ANKS1B: variants seen among roughly 807,000 people sequenced by gnomAD.
ANKS1B encodes ankyrin repeat and sterile alpha motif domain containing 1B.
In ANKS1B, 36 loss-of-function variants were observed where a neutral mutation model predicts 148.3. The ratio of observed to expected loss-of-function variants is 0.24; its 90% CI spans 0.19 to 0.32. The LOEUF (loss-of-function observed/expected upper bound fraction) is 0.32, where lower values mean the gene tolerates loss of function less well. Ranked by LOEUF, ANKS1B falls within the 10% of genes least tolerant of loss-of-function variation. ANKS1B has a pLI of 1.00. For missense variants in ANKS1B, 1,157 were observed against 1,542.6 expected (o/e 0.75, Z 4.19); for synonymous variants, 542 against 560.8 (o/e 0.97, Z 0.47).
In ANKS1B at chr12:99,356,404, G is replaced by A. The variant is rs935918654; in HGVS notation, c.1756+43227C>T. On this transcript the variant is annotated intron_variant, in intron 12 of 26. Coordinates refer to ENST00000683438, the MANE Select transcript of ANKS1B (RefSeq NM_001352186.2). ...CAAAGTGGGTGCTGCTGACCACCAC[G>A]CACTGGCATTGTGCGAGCCTGATGG... Among the ~76,000 whole-genome samples the A allele has an allele frequency of 2.0e-5, 3 of 152,068 alleles. 1 individual carries two copies.
intron 12 of ANKS1B, among the ~76,000 whole-genome samples, chr12:99,342,913 T>C (rs2090142254): frequency 6.6e-6 from 1 of 151,932 alleles, no homozygotes; most frequent in Admixed American, 6.6e-5. Context: ...TAAAGCTCCT[T>C]CTCAAAACAA....
chr12:99,433,202 T>G (rs2095407826), intron 11 of ANKS1B, among the ~76,000 whole-genome samples: 2 of 152,122 alleles, frequency 1.3e-5, no homozygotes, highest in African/African-American at 2.4e-5. Context: ...GATCCCTTGA[T>G]GCCCTTAAAA....
intron 14 of ANKS1B, among the ~76,000 whole-genome samples, chr12:99,237,335 T>C (rs2088197957): frequency 6.6e-6 from 1 of 152,088 alleles, no homozygotes; most frequent in African/African-American, 2.4e-5. Flanking sequence ...TATATATGTG[T>C]GTGTATGTGT....
chr12:99,235,870 G>T (rs2220690), intron 14 of ANKS1B, among the ~76,000 whole-genome samples: 1 of 151,962 alleles, frequency 6.6e-6, no homozygotes, highest in Admixed American at 6.6e-5. Context: ...ACTCCTACCA[G>T]GGTGTCACTT....
At chr12:99,198,873 G>C (rs567826261) in intron 14 of ANKS1B, among the ~76,000 whole-genome samples, 1 of 152,130 alleles carries the variant, frequency 6.6e-6, no homozygotes, top group Non-Finnish European at 1.5e-5. Context: ...TTTTGAAAAA[G>C]TAACAATGTA....
At chr12:99,697,591 AG>A in intron 8 of ANKS1B, among the ~76,000 whole-genome samples, 2 of 152,308 alleles carry the variant, frequency 1.3e-5, no homozygotes, top group South Asian at 4.1e-4. Context: ...GGATAAAGCA[AG>A]GGATGAATAA....
chr12:99,943,960 C>A (rs1464191551), intron 1 of ANKS1B, among the ~76,000 whole-genome samples: 1 of 152,044 alleles, frequency 6.6e-6, no homozygotes, highest in Non-Finnish European at 1.5e-5. Context: ...CCCTAGCCCC[C>A]ACCCCGCGAC....
chr12:99,546,816 G>A (rs926762629), intron 9 of ANKS1B, among the ~76,000 whole-genome samples: 2 of 152,134 alleles, frequency 1.3e-5, no homozygotes, highest in Admixed American at 1.3e-4. Flanking sequence ...TCTAGTAAGG[G>A]GAAAGGAGCT....
intron 19 of ANKS1B, among the ~76,000 whole-genome samples, chr12:98,824,576 T>C (rs2099231842): frequency 6.6e-6 from 1 of 152,166 alleles, no homozygotes; most frequent in Admixed American, 6.5e-5. Flanking sequence ...ATCCACATTT[T>C]AAAGACAAAA....
intron 9 of ANKS1B, among the ~76,000 whole-genome samples, chr12:99,561,457 C>T (rs546021924): frequency 3.4e-4 from 52 of 152,170 alleles, no homozygotes; most frequent in African/African-American, 1.2e-3. Context: ...ACTTTTAATT[C>T]AAAGATTAGA....
intron 14 of ANKS1B, among the ~76,000 whole-genome samples, chr12:99,230,695 T>G (rs1472992583): frequency 6.6e-6 from 1 of 152,144 alleles, no homozygotes; most frequent in Non-Finnish European, 1.5e-5. Flanking sequence ...CATTTTAGCG[T>G]CTGTGGTGCT....
At chr12:99,435,508 G>A (rs2095445143) in intron 11 of ANKS1B, among the ~76,000 whole-genome samples, 1 of 152,004 alleles carries the variant, frequency 6.6e-6, no homozygotes, top group African/African-American at 2.4e-5. Context: ...TATTTCAATT[G>A]TAGGCAAACA....
chr12:99,305,585 C>T (rs1426961226), intron 12 of ANKS1B, among the ~76,000 whole-genome samples: 2 of 152,110 alleles, frequency 1.3e-5, no homozygotes, highest in African/African-American at 4.8e-5. Context: ...AAGATTCTTA[C>T]TCTCAGAATC....
intron 12 of ANKS1B, among the ~76,000 whole-genome samples, chr12:99,270,172 C>T (rs2076888332): frequency 6.6e-6 from 1 of 152,194 alleles, no homozygotes; most frequent in South Asian, 2.1e-4. Context: ...ATTAGGCAAT[C>T]CTTGACTCTT....
At position 99,936,984 on chromosome 12, in the gene ANKS1B, T is replaced by C. The variant is rs551591351; in HGVS notation, c.134+47120A>G. Among the ~76,000 whole-genome samples the C allele has an allele frequency of 2.8e-4, 42 of 152,290 alleles. No homozygotes were observed. The South Asian group carries it at 6.2e-3, about 23-fold the overall frequency. On this transcript the variant is annotated intron_variant, in intron 1 of 26. Coordinates refer to ENST00000683438, the MANE Select transcript of ANKS1B (RefSeq NM_001352186.2). ...TATACAGCTTGCTTGGGAACCTTCA[T>C]CCTCATTATGTTTCTGGACAACCAC... is the stretch of plus-strand genomic sequence containing the variant.
intron 10 of ANKS1B, among the ~76,000 whole-genome samples, chr12:99,463,812 C>G (rs981693880): frequency 1.6e-4 from 24 of 152,232 alleles, no homozygotes; most frequent in African/African-American, 5.1e-4. Flanking sequence ...TGGAGCCCAC[C>G]ACAGCTCAAG....
At chr12:98,847,972 T>C (rs1469342078) in intron 17 of ANKS1B, among the ~76,000 whole-genome samples, 1 of 152,186 alleles carries the variant, frequency 6.6e-6, no homozygotes, top group African/African-American at 2.4e-5. Flanking sequence ...CAATTTTTAA[T>C]ACATGTTTAT....
intron 17 of ANKS1B, among the ~76,000 whole-genome samples, chr12:98,969,509 TA>T (rs568506623): frequency 2.0e-5 from 3 of 152,076 alleles, no homozygotes; most frequent in Non-Finnish European, 2.9e-5. Context: ...TATAATTATA[TA>T]AAAAATATGA....
chr12:99,469,273 C>T (rs1019269636), intron 10 of ANKS1B, among the ~76,000 whole-genome samples: 2 of 124,664 alleles, frequency 1.6e-5, no homozygotes, highest in South Asian at 5.1e-4. Flanking sequence ...GGGAACATCA[C>T]ACTCTGGGGA....
Sources: allele counts gnomAD v4.1 joint callset (sites outside exome capture counted in the v4.1 genomes callset), GRCh38; gene constraint gnomAD v4.1.1; transcripts MANE v1.5; gene names NCBI Gene and HGNC (gene_info 2026-07-23, HGNC 2026-07-21).